USP45: variants seen among roughly 807,000 people sequenced by gnomAD.
USP45 encodes the protein ubiquitin specific peptidase 45, also known as ubiquitin carboxyl-terminal hydrolase 45.
In USP45, 89 loss-of-function variants were observed where a neutral mutation model predicts 95.8. The observed-to-expected ratio is 0.93, with a 90% confidence interval of 0.78 to 1.11. The LOEUF is 1.11. Ranked by LOEUF, USP45 falls within the 50% of genes least tolerant of loss-of-function variation. The pLI is 0.00. For synonymous variants in USP45, 281 were observed against 316.2 expected, an observed-to-expected ratio of 0.89 and a Z score of 1.18; for missense variants, 898 against 942.5, an observed-to-expected ratio of 0.95 and a Z score of 0.62.
At chr6:99,491,024 G>T (rs1795054544) in intron 5 of USP45, among the ~76,000 whole-genome samples, 1 of 152,020 alleles carries the variant, frequency 6.6e-6, no homozygotes, top group African/African-American at 2.4e-5. Flanking sequence ...GTTATTGGTT[G>T]TTATTGGAAT....
At chr6:99,442,039 C>T (rs4839748) in intron 15 of USP45, among the ~76,000 whole-genome samples, 44,056 of 151,908 alleles carry the variant, frequency 0.29, 6,962 homozygotes, top group Middle Eastern at 0.4. Context: ...CCTACAATGC[C>T]CAAACCCTGG....
chr6:99,496,297 T>C (rs1401085581), intron 5 of USP45, among the ~76,000 whole-genome samples: 1 of 151,694 alleles, frequency 6.6e-6, no homozygotes, highest in Non-Finnish European at 1.5e-5. Context: ...TGTATCACCT[T>C]TTTTTTTAAA....
In USP45 at chr6:99,453,664, A is replaced by C. The variant is rs1408384375; in HGVS notation, c.1309-7201T>G. Among the ~76,000 whole-genome samples the C allele has an allele frequency of 4.6e-5, 7 of 152,298 alleles. No individual in the cohort carries two copies. In the East Asian group the frequency reaches 1.3e-3, roughly 29 times the overall value. ...TAAAAAGAAAAAACAATCCTAAAAT[A>C]TGTATGGAACCTGGCTGGGTACAGT... On this transcript the variant is annotated intron_variant, in intron 13 of 17. Coordinates refer to ENST00000500704, the MANE Select transcript of USP45 (RefSeq NM_001346022.3).
Position 99,432,996 on chromosome 6 carries a change from C to T in USP45, c.*2720G>A, listed in dbSNP as rs1446237096. The T allele has an allele frequency of 6.6e-6, 1 of 152,224 alleles. No individual in the cohort carries two copies. Among genetic ancestry groups the T allele is most frequent in the Non-Finnish European group, 1.5e-5 (1 of 68,002 alleles). The allele number at this position is 152,224 out of a possible 1,614,324, so 9.4% of individuals were successfully genotyped here. A position where few individuals can be genotyped will look rare whatever the true frequency, so the allele number is the denominator to read the frequency against. On this transcript the variant is annotated 3_prime_UTR_variant, in exon 18 of 18. Transcript: ENST00000500704. ...TCTTTGAATTGATACCAACTGTCTTCTTTTTATTTATTTTTGAGACAGGGT... is the reference window on the plus strand; with the variant it reads ...TCTTTGAATTGATACCAACTGTCTTTTTTTTATTTATTTTTGAGACAGGGT...
chr6:99,473,777 A>AACACACAC (rs60031754), intron 9 of USP45, among the ~76,000 whole-genome samples: 8,092 of 127,656 alleles, frequency 0.063, 274 homozygotes, highest in Middle Eastern at 0.093. Context: ...AAAAAAACAA[A>AACACACAC]ACACACACAC....
chr6:99,486,057 A>C (rs1320896831), intron 7 of USP45, among the ~76,000 whole-genome samples: 3 of 152,180 alleles, frequency 2.0e-5, no homozygotes, highest in Admixed American at 2.0e-4. Flanking sequence ...TTGTTCCCCT[A>C]ATTTTGGGAT....
intron 4 of USP45, 38 bp from the exon 5 acceptor site, chr6:99,503,903 T>C (rs538975338): frequency 2.9e-6 from 4 of 1,395,018 alleles, no homozygotes; most frequent in Admixed American, 4.3e-5. Context: ...ATTATGAAAA[T>C]ATTCTCAATA....
chr6:99,453,649 A>G (rs1784403473), intron 13 of USP45, among the ~76,000 whole-genome samples: 1 of 152,176 alleles, frequency 6.6e-6, no homozygotes, highest in Non-Finnish European at 1.5e-5. Flanking sequence ...TAAAAAGAAA[A>G]AACAATCCTA....
At chr6:99,501,434 T>C (rs1797331065) in intron 5 of USP45, among the ~76,000 whole-genome samples, 1 of 152,186 alleles carries the variant, frequency 6.6e-6, no homozygotes. Flanking sequence ...CGTAACTTCA[T>C]CTCTTTGCAC....
At chr6:99,492,777 G>A (rs1795474539) in intron 5 of USP45, among the ~76,000 whole-genome samples, 1 of 151,968 alleles carries the variant, frequency 6.6e-6, no homozygotes. Context: ...TAGGAGTGAG[G>A]CCCCGCACTT....
intron 5 of USP45, among the ~76,000 whole-genome samples, chr6:99,496,025 C>T (rs562307439): frequency 1.3e-5 from 2 of 152,242 alleles, no homozygotes; most frequent in African/African-American, 2.4e-5. Context: ...TTTAAAATGT[C>T]ATTATCTTTT....
intron 5 of USP45, among the ~76,000 whole-genome samples, chr6:99,501,178 T>A (rs1302953507): frequency 6.6e-6 from 1 of 151,320 alleles, no homozygotes; most frequent in African/African-American, 2.4e-5. Flanking sequence ...TCTATCAGCC[T>A]CTCACCTGCC....
chr6:99,513,988 C>T (rs997483392), intron 1 of USP45, among the ~76,000 whole-genome samples: 1 of 152,126 alleles, frequency 6.6e-6, no homozygotes, highest in Non-Finnish European at 1.5e-5. Flanking sequence ...ACTAAAAGCC[C>T]AGTACCACTA....
intron 5 of USP45, among the ~76,000 whole-genome samples, chr6:99,499,671 C>G (rs191995059): frequency 2.2e-4 from 34 of 152,312 alleles, no homozygotes; most frequent in Admixed American, 1.3e-3. Context: ...CCGTGCCCCA[C>G]CACTCCAGGT....
chr6:99,499,277 TCACC>T (rs1796915443), intron 5 of USP45, among the ~76,000 whole-genome samples: 1 of 152,194 alleles, frequency 6.6e-6, no homozygotes, highest in Non-Finnish European at 1.5e-5. Context: ...ACTTATCCTC[TCACC>T]CAAACACAAT....
In USP45 at chr6:99,433,614, T is replaced by TAA. The variant is rs1288069324; in HGVS notation, c.*2100_*2101dup. The TAA allele has an allele frequency of 6.6e-6, 1 of 152,050 alleles. No homozygotes were observed. Among genetic ancestry groups the TAA allele is most frequent in the African/African-American group, 2.4e-5 (1 of 41,404 alleles). 9.4% of individuals were successfully genotyped at this position (152,050 alleles called of 1,614,324 possible). A position where few individuals can be genotyped will look rare whatever the true frequency, so the allele number is the denominator to read the frequency against. The stretch of plus-strand genomic sequence containing the variant: ...AAAAGCACTCATAAACTCTAGGCCA[T>TAA]AAAAAAATAGGTTTCATAAGTAGCT... On this transcript the variant is annotated 3_prime_UTR_variant, in exon 18 of 18. Transcript: ENST00000500704.
At chr6:99,481,237 AG>A (rs1263017547) in intron 8 of USP45, among the ~76,000 whole-genome samples, 1 of 152,254 alleles carries the variant, frequency 6.6e-6, no homozygotes, top group African/African-American at 2.4e-5. Flanking sequence ...TAACATGGAA[AG>A]ATGTATAAAA....
At chr6:99,513,552 C>T (rs1199410181) in intron 1 of USP45, among the ~76,000 whole-genome samples, 2 of 152,136 alleles carry the variant, frequency 1.3e-5, no homozygotes, top group African/African-American at 4.8e-5. Flanking sequence ...TATATTTTCT[C>T]GCTGTGGTAC....
At chr6:99,505,993 C>A (rs1562449538) in intron 4 of USP45, among the ~76,000 whole-genome samples, 1 of 152,166 alleles carries the variant, frequency 6.6e-6, no homozygotes, top group Non-Finnish European at 1.5e-5. Flanking sequence ...ATATTAAGTT[C>A]CCTCTGTTCT....
Sources: gnomAD v4.1 joint callset for allele counts (sites outside exome capture counted in the v4.1 genomes callset) on GRCh38, gnomAD v4.1.1 for gene constraint, MANE v1.5 for transcripts, NCBI Gene and HGNC (gene_info 2026-07-23, HGNC 2026-07-21) for gene names.